CLVS1: variants seen among roughly 807,000 people sequenced by gnomAD.
CLVS1 encodes the protein clavesin 1.
CLVS1 carries 10 observed loss-of-function variants against 33.1 expected under a neutral mutation model. The ratio of observed to expected loss-of-function variants is 0.30; its 90% confidence interval spans 0.19 to 0.51. The LOEUF (loss-of-function observed/expected upper bound fraction) is 0.51. Ranked by LOEUF, CLVS1 falls within the 20% of genes least tolerant of loss-of-function variation. The pLI is 0.97. For synonymous variants in CLVS1, 163 were observed against 166.1 expected, an observed-to-expected ratio of 0.98 and a Z score of 0.14; for missense variants, 343 against 433.4, an observed-to-expected ratio of 0.79 and a Z score of 1.85.
chr8:61,246,084 T>C (rs1808801081), intron 2 of CLVS1, among the ~76,000 whole-genome samples: 1 of 151,646 alleles, frequency 6.6e-6, no homozygotes, highest in Non-Finnish European at 1.5e-5. Flanking sequence ...GTCTTATATG[T>C]TTTAAGATAA....
chr8:61,376,668 G>A lies in CLVS1; in HGVS notation c.519G>A (p.Pro173=), dbSNP rs138765700. Residue 173 remains proline (P), a synonymous_variant, in exon 3 of 6, where the codon CCG becomes CCA. Coordinates refer to ENST00000325897, the MANE Select transcript of CLVS1 (RefSeq NM_173519.3). Reference sequence around the variant, plus strand: ...CATTGGAAGTCCTAATCGAAGATCCGGAGCTTCAGATAAATGGCTTCATTT... The same window carrying A: ...CATTGGAAGTCCTAATCGAAGATCCAGAGCTTCAGATAAATGGCTTCATTT... ...LLSLEVLIED[P]ELQINGFILI... is the part of the protein sequence containing the mutation. 2.4e-5 allele frequency: 38 copies of A among 1,613,974 alleles called. No homozygotes were observed. Among genetic ancestry groups the A allele is most frequent in the African/African-American group, 1.2e-4 (9 of 74,904 alleles).
intron 5 of CLVS1, among the ~76,000 whole-genome samples, chr8:61,471,598 A>C (rs1817739520): frequency 6.6e-6 from 1 of 152,134 alleles, no homozygotes; most frequent in Admixed American, 6.5e-5. Context: ...AGCATGGCCA[A>C]GCACGTTGGG....
At chr8:61,339,832 G>A (rs1811953259) in intron 2 of CLVS1, among the ~76,000 whole-genome samples, 1 of 145,484 alleles carries the variant, frequency 6.9e-6, no homozygotes, top group South Asian at 2.2e-4. Flanking sequence ...GAAAGAGCGA[G>A]AAAGGAAGGA....
the CLVS1 span, among the ~76,000 whole-genome samples, chr8:61,047,971 C>T: frequency 6.6e-6 from 1 of 152,056 alleles, no homozygotes; most frequent in Non-Finnish European, 1.5e-5. Flanking sequence ...ATTCATCATC[C>T]ATTAATGACA....
chr8:61,269,251 C>T (rs1249868964), intron 2 of CLVS1, among the ~76,000 whole-genome samples: 1 of 152,090 alleles, frequency 6.6e-6, no homozygotes, highest in African/African-American at 2.4e-5. Context: ...GCCAGTTTTC[C>T]CACCACCATT....
At chr8:60,980,990 G>T in the CLVS1 span, among the ~76,000 whole-genome samples, 64 of 152,302 alleles carry the variant, frequency 4.2e-4, 1 homozygote, top group Non-Finnish European at 3.1e-4. Flanking sequence ...ACGGCCACAG[G>T]GGGAGGGATG....
intron 1 of CLVS1, among the ~76,000 whole-genome samples, chr8:61,076,226 C>A (rs1458769527): frequency 6.6e-6 from 1 of 152,078 alleles, no homozygotes; most frequent in Non-Finnish European, 1.5e-5. Context: ...TTTAAAAGAA[C>A]CATTTTGTAG....
intron 2 of CLVS1, among the ~76,000 whole-genome samples, chr8:61,249,410 A>G (rs1297371011): frequency 6.6e-6 from 1 of 152,226 alleles, no homozygotes; most frequent in East Asian, 1.9e-4. Context: ...TAGTAGAATG[A>G]TTTATAATCC....
upstream of CLVS1, among the ~76,000 whole-genome samples, chr8:61,284,241 G>T (rs1175865799): frequency 6.6e-6 from 1 of 152,202 alleles, no homozygotes; most frequent in Non-Finnish European, 1.5e-5. Context: ...AGGGTAATGA[G>T]ATACTGGCCA....
At chr8:61,011,940 G>A in the CLVS1 span, among the ~76,000 whole-genome samples, 2 of 152,156 alleles carry the variant, frequency 1.3e-5, no homozygotes, top group Admixed American at 6.5e-5. Context: ...TTCCATTCCC[G>A]CCTGCCTGGT....
At chr8:61,394,224 C>G (rs1265666554) in intron 3 of CLVS1, among the ~76,000 whole-genome samples, 1 of 152,134 alleles carries the variant, frequency 6.6e-6, no homozygotes, top group Non-Finnish European at 1.5e-5. Context: ...TTGTTTTCTC[C>G]CTCCTTGCAG....
chr8:60,992,221 C>T, the CLVS1 span, among the ~76,000 whole-genome samples: 1 of 152,286 alleles, frequency 6.6e-6, no homozygotes, highest in East Asian at 1.9e-4. Context: ...AATTGTCTGA[C>T]TTTATATTTT....
chr8:61,146,441 C>A (rs892321202), intron 2 of CLVS1, among the ~76,000 whole-genome samples: 2 of 152,168 alleles, frequency 1.3e-5, no homozygotes, highest in African/African-American at 4.8e-5. Context: ...GAGGGAGGAT[C>A]CCCCTGGAAA....
At chr8:61,181,922 C>T (rs949651221) in intron 2 of CLVS1, among the ~76,000 whole-genome samples, 11 of 151,840 alleles carry the variant, frequency 7.2e-5, no homozygotes, top group Non-Finnish European at 1.3e-4. Flanking sequence ...AGGATGGTCT[C>T]GATCTCCTGA....
chr8:61,462,813 C>G (rs1326009146), intron 5 of CLVS1, among the ~76,000 whole-genome samples: 1 of 152,088 alleles, frequency 6.6e-6, no homozygotes, highest in East Asian at 1.9e-4. Context: ...TCTTAAAGGT[C>G]CTAGGATGTT....
At chr8:61,336,339 A>G (rs1811803216) in intron 2 of CLVS1, among the ~76,000 whole-genome samples, 1 of 152,200 alleles carries the variant, frequency 6.6e-6, no homozygotes, top group South Asian at 2.1e-4. Context: ...ACTTGTAACA[A>G]GAGGGAAGCA....
At chr8:61,329,774 G>A (rs940061657) in intron 2 of CLVS1, among the ~76,000 whole-genome samples, 8 of 152,118 alleles carry the variant, frequency 5.3e-5, no homozygotes, top group Non-Finnish European at 7.4e-5. Flanking sequence ...CATTTTAAAT[G>A]TTCCTTTAAG....
At chr8:61,212,400 GC>G (rs2129307572) in intron 2 of CLVS1, among the ~76,000 whole-genome samples, 1 of 152,328 alleles carries the variant, frequency 6.6e-6, no homozygotes, top group Admixed American at 6.5e-5. Context: ...AACCCCAGAT[GC>G]CTCAGCAGAT....
intron 2 of CLVS1, among the ~76,000 whole-genome samples, chr8:61,204,066 A>G (rs576573531): frequency 6.6e-6 from 1 of 152,348 alleles, no homozygotes; most frequent in South Asian, 2.1e-4. Context: ...TTAATTTCTC[A>G]AGATTCCACT....
Sources: allele counts gnomAD v4.1 joint callset (sites outside exome capture counted in the v4.1 genomes callset), GRCh38; gene constraint gnomAD v4.1.1; transcripts MANE v1.5; gene names NCBI Gene and HGNC (gene_info 2026-07-23, HGNC 2026-07-21).